The following IFT140 variants were observed in gnomAD, a reference collection of about 807,000 sequenced individuals.
IFT140 encodes intraflagellar transport 140, also known as intraflagellar transport protein 140 homolog.
In IFT140, 133 loss-of-function variants were observed where a neutral mutation model predicts 164.6. That is an observed-to-expected ratio of 0.81 (90% CI 0.70 to 0.93). The LOEUF (loss-of-function observed/expected upper bound fraction) is 0.93. Ranked by LOEUF, IFT140 falls within the 40% of genes least tolerant of loss-of-function variation. The pLI is 0.00. For missense variants in IFT140, 2,045 were observed against 1,972.3 expected (o/e 1.04, Z -0.70); for synonymous variants, 860 against 817.3 (o/e 1.05, Z -0.89).
At chr16:1,583,267 T>C in intron 12 of IFT140, 47 bp downstream of exon 12, 2 of 1,535,874 alleles carry the variant, frequency 1.3e-6, no homozygotes. Flanking sequence ...AGGGAGGAAA[T>C]AAAGCCAGGT....
At chr16:1,594,100 G>T (rs1054668651) in intron 4 of IFT140, among the ~76,000 whole-genome samples, 1 of 152,212 alleles carries the variant, frequency 6.6e-6, no homozygotes, top group Non-Finnish European at 1.5e-5. Context: ...CTCACATTGT[G>T]CCAGCTTTAA....
chr16:1,570,273 G>A (rs536332572), intron 14 of IFT140, among the ~76,000 whole-genome samples: 5 of 152,268 alleles, frequency 3.3e-5, no homozygotes, highest in Non-Finnish European at 7.4e-5. Context: ...GACAGAGTGA[G>A]GAAATATGTG....
rs35588860 is a variant in IFT140 at position 1,592,316 on chromosome 16, T to A, written c.494A>T (p.Asp165Val). 2 of 1,613,964 alleles carry A rather than the reference T, an allele frequency of 1.2e-6. No homozygotes were observed. The highest frequency in any genetic ancestry group is 1.7e-6 in the Non-Finnish European group (2 of 1,180,020). ...AGCTGCCTTTGCCAACTGAACCAGG[T>A]CCCTGAAAGCAAACACGACACGAAG... ...CIFRLPPPGEDLVQLAKAAVS... is the reference protein window; with the variant it reads ...CIFRLPPPGEVLVQLAKAAVS... Residue 165 changes from aspartate to valine, a missense_variant and splice_region_variant, in exon 6 of 31, where the codon GAC becomes GTC. Coordinates refer to ENST00000426508, the MANE Select transcript of IFT140 (RefSeq NM_014714.4).
intron 6 of IFT140, 74 bp from the exon 7 acceptor site, chr16:1,589,854 T>C (rs1459066141): frequency 7.4e-6 from 10 of 1,346,970 alleles, no homozygotes; most frequent in Non-Finnish European, 9.4e-6. Flanking sequence ...CCAGCAGCCA[T>C]TTCTATCAAC....
At position 1,526,019 on chromosome 16, in the gene IFT140, T is replaced by C. The variant is rs2040682596; in HGVS notation, c.2636A>G (p.Tyr879Cys). ...CTCCTGCCACCGGCCCGCAGCCTGG[T>C]AGAACTTGTTCAGGAGGTCGTGGCG... The part of the protein sequence containing the change: ...CKRHDLLNKF[Y>C]QAAGRWQEAL... Residue 879 changes from tyrosine to cysteine, a missense_variant, in exon 21 of 31, where the codon TAC becomes TGC. Coordinates refer to ENST00000426508, the MANE Select transcript of IFT140 (RefSeq NM_014714.4). 3 of 1,601,976 alleles carry C rather than the reference T, an allele frequency of 1.9e-6. No individual in the cohort carries two copies. The East Asian group carries it at 6.8e-5, about 36-fold the overall frequency.
intron 10 of IFT140, among the ~76,000 whole-genome samples, chr16:1,584,709 G>T (rs2034777009): frequency 1.3e-5 from 2 of 152,050 alleles, no homozygotes; most frequent in Non-Finnish European, 2.9e-5. Context: ...TTTTCTGAGT[G>T]GGACACACTT....
intron 4 of IFT140, among the ~76,000 whole-genome samples, chr16:1,599,382 G>GC (rs1458429386): frequency 1.6e-5 from 1 of 63,394 alleles, no homozygotes; most frequent in Non-Finnish European, 2.8e-5. Flanking sequence ...GGGGGGGTCA[G>GC]CCCCCCGCCT....
At chr16:1,521,751 T>C (rs969981211) in intron 26 of IFT140, among the ~76,000 whole-genome samples, 1 of 150,958 alleles carries the variant, frequency 6.6e-6, no homozygotes, top group African/African-American at 2.4e-5. Context: ...CCGGGCATGT[T>C]GGCTCATGCC....
intron 13 of IFT140, among the ~76,000 whole-genome samples, chr16:1,575,936 GAAC>G (rs1188169877): frequency 2.0e-5 from 3 of 152,114 alleles, no homozygotes; most frequent in African/African-American, 7.2e-5. Context: ...CACAGGTCTT[GAAC>G]AACACAGGTC....
intron 14 of IFT140, among the ~76,000 whole-genome samples, chr16:1,569,866 G>A (rs2033930029): frequency 6.6e-6 from 1 of 151,468 alleles, no homozygotes; most frequent in African/African-American, 2.4e-5. Flanking sequence ...GGGACTTGCA[G>A]GATGAAATGG....
intron 15 of IFT140, among the ~76,000 whole-genome samples, chr16:1,567,177 C>G (rs575179370): frequency 2.3e-4 from 35 of 152,340 alleles, no homozygotes; most frequent in African/African-American, 8.4e-4. Context: ...CCCACTGCAG[C>G]TGCTCGAGCC....
intron 19 of IFT140, chr16:1,542,050 C>T (rs1433124635): frequency 6.2e-7 from 1 of 1,609,782 alleles, no homozygotes. Context: ...TGGGAGGAGG[C>T]CATGGCCGCT....
chr16:1,513,840 A>ATT (rs748457934), intron 30 of IFT140, among the ~76,000 whole-genome samples: 2 of 145,968 alleles, frequency 1.4e-5, no homozygotes, highest in Non-Finnish European at 3.0e-5. Context: ...CACCCGGCTA[A>ATT]TTTTTTGTAT....
At chr16:1,554,581 C>T (rs913656510) in intron 19 of IFT140, among the ~76,000 whole-genome samples, 10 of 152,186 alleles carry the variant, frequency 6.6e-5, no homozygotes, top group African/African-American at 2.4e-4. Context: ...GGCTCAACAC[C>T]AGGGCAGCCG....
At chr16:1,544,842 G>A (rs1323294309) in intron 19 of IFT140, among the ~76,000 whole-genome samples, 2 of 151,412 alleles carry the variant, frequency 1.3e-5, no homozygotes, top group South Asian at 2.1e-4. Flanking sequence ...TAGAGACGGG[G>A]TTTCACCGTG....
At chr16:1,554,595 C>T (rs915460316) in intron 19 of IFT140, among the ~76,000 whole-genome samples, 10 of 152,094 alleles carry the variant, frequency 6.6e-5, no homozygotes, top group African/African-American at 1.7e-4. Flanking sequence ...GCAGCCGCCC[C>T]GTAAAGCAGG....
At position 1,525,354 on chromosome 16, in the gene IFT140, G is replaced by A. The variant is rs762068831; in HGVS notation, c.2769-28C>T. On this transcript the variant is annotated intron_variant, in intron 21 of 30. Transcript: ENST00000426508. Reference sequence around the variant, plus strand: ...GTGAGAGAAGGAGACAGAGGTCCTCGTTCCCTCCCATCCCAGCCCCACGGG... The same window carrying A: ...GTGAGAGAAGGAGACAGAGGTCCTCATTCCCTCCCATCCCAGCCCCACGGG... The A allele has an allele frequency of 1.3e-5, 21 of 1,557,284 alleles. No homozygotes were observed. In the East Asian group the frequency reaches 2.5e-4, roughly 18 times the overall value.
intron 19 of IFT140, among the ~76,000 whole-genome samples, chr16:1,528,278 G>A (rs1051143597): frequency 2.6e-5 from 4 of 151,994 alleles, no homozygotes; most frequent in Admixed American, 6.6e-5. Flanking sequence ...TGCCACACGC[G>A]CCTCCCCTAC....
rs117977553 is a variant in IFT140, at chr16:1,532,930, T to A, written c.2400-6134A>T. 7.2e-5 allele frequency: 11 copies of A among 152,452 alleles called. 1 individual carries two copies. The highest frequency in any genetic ancestry group is 7.2e-4 in the Admixed American group (11 of 15,286). 9.4% of individuals were successfully genotyped at this position (152,452 alleles called of 1,614,324 possible). On this transcript the variant is annotated intron_variant, in intron 19 of 30. Transcript: ENST00000426508. ...TGTGGGGGGTGACCGTTCCCATCAA[T>A]AGCAGAGGTGGCCCAGGCCCCACGT...
Sources: gnomAD v4.1 joint callset for allele counts (sites outside exome capture counted in the v4.1 genomes callset) on GRCh38, gnomAD v4.1.1 for gene constraint, MANE v1.5 for transcripts, NCBI Gene and HGNC (gene_info 2026-07-23, HGNC 2026-07-21) for gene names.